GLI1: variants seen among roughly 807,000 people sequenced by gnomAD.
The protein encoded by GLI1 is transcription activator GLI1.
Under a neutral mutation model 87.8 loss-of-function variants are expected in GLI1, and 51 were observed. The ratio of observed to expected loss-of-function variants is 0.58; its 90% confidence interval spans 0.46 to 0.73. The LOEUF is 0.73. Ranked by LOEUF, GLI1 falls within the 30% of genes least tolerant of loss-of-function variation. The pLI, the probability that GLI1 is intolerant of heterozygous loss-of-function variation, is 0.00. For missense variants in GLI1, 1,292 were observed against 1,437.2 expected, an observed-to-expected ratio of 0.90 and a Z score of 1.63; for synonymous variants, 528 against 558.2, an observed-to-expected ratio of 0.95 and a Z score of 0.76.
At position 57,465,592 on chromosome 12, in the gene GLI1, C is replaced by G; in HGVS notation, c.535-15C>G. The G allele has an allele frequency of 6.2e-7, 1 of 1,608,120 alleles. No homozygotes were observed. The highest frequency in any genetic ancestry group is 2.2e-5 in the East Asian group (1 of 44,832). ...ACTTCCACCCTCATCACCGTCACCTCTTCCCCTGGGGAAGCTGAAGTCTGA... is the reference window on the plus strand; with the variant it reads ...ACTTCCACCCTCATCACCGTCACCTGTTCCCCTGGGGAAGCTGAAGTCTGA... On this transcript the variant is annotated splice_polypyrimidine_tract_variant and intron_variant, in intron 5 of 11. Transcript: ENST00000228682.
intron 1 of GLI1, among the ~76,000 whole-genome samples, chr12:57,460,945 G>C (rs1389559578): frequency 1.3e-5 from 2 of 152,178 alleles, no homozygotes; most frequent in Non-Finnish European, 2.9e-5. Flanking sequence ...GCCGCAGGGA[G>C]ACCCCTACCG....
rs1278558735 is a variant in GLI1, at chr12:57,471,957, C to T, written c.3217C>T (p.His1073Tyr). Residue 1073 changes from histidine to tyrosine, a missense_variant, in exon 12 of 12, where the codon CAT becomes TAT. Physicochemically the swap from His to Tyr is moderately conservative, Grantham distance 83. Coordinates refer to ENST00000228682, the MANE Select transcript of GLI1 (RefSeq NM_005269.3). This position sits in a 1 kb window ranked among gnomAD's most constrained non-coding sequence, Gnocchi z 4.9. ...PSHDQRGSSG[H>Y]TPPPSGPPNM... ...CCATGATCAGCGGGGCAGCTCTGGA[C>T]ATACCCCACCTCCCTCTGGGCCCCC... 1 of 1,608,746 alleles carries T rather than the reference C, an allele frequency of 6.2e-7. No homozygotes were observed. Among genetic ancestry groups the T allele is most frequent in the Admixed American group, 1.7e-5 (1 of 59,000 alleles).
chr12:57,463,081 G>GACC (rs1871247306), intron 1 of GLI1, among the ~76,000 whole-genome samples: 1 of 152,122 alleles, frequency 6.6e-6, no homozygotes, highest in African/African-American at 2.4e-5. Flanking sequence ...TCTACACACA[G>GACC]ACCACACAGG....
At chr12:57,469,047 C>A (rs568965442) in intron 10 of GLI1, among the ~76,000 whole-genome samples, 1 of 152,144 alleles carries the variant, frequency 6.6e-6, no homozygotes, top group African/African-American at 2.4e-5. Flanking sequence ...CCACTGCACC[C>A]GGCAACTCTT....
intron 9 of GLI1, among the ~76,000 whole-genome samples, 170 bp from the exon 10 acceptor site, chr12:57,467,824 C>T (rs900103354): frequency 2.0e-5 from 3 of 152,192 alleles, no homozygotes; most frequent in African/African-American, 7.2e-5. Context: ...TCCTAACCCT[C>T]CACTTAATCT....
intron 4 of GLI1, 59 bp from the exon 5 acceptor site, chr12:57,465,052 G>A (rs3817474): frequency 0.57 from 890,376 of 1,550,560 alleles, 266,910 homozygotes; most frequent in Middle Eastern, 0.65. Context: ...CCTCCAAATA[G>A]CCCAATCCTT....
In GLI1 at chr12:57,466,390, G is replaced by A; in HGVS notation, c.912+1G>A. 1 of 1,609,644 alleles carries A rather than the reference G, an allele frequency of 6.2e-7. No homozygotes were observed. Among genetic ancestry groups the A allele is most frequent in the Non-Finnish European group, 8.5e-7 (1 of 1,177,166 alleles). On this transcript the variant is annotated splice_donor_variant, in intron 8 of 11. Transcript: ENST00000228682. LOFTEE classifies it high-confidence loss of function. Reference sequence around the variant, plus strand: ...TGGCGAGAAGCCACACAAGTGCACGGTGAGGCACCAGTGTCCCAAGTCCAG... The same window carrying A: ...TGGCGAGAAGCCACACAAGTGCACGATGAGGCACCAGTGTCCCAAGTCCAG...
chr12:57,462,688 C>T (rs1387986356), intron 1 of GLI1, among the ~76,000 whole-genome samples: 4 of 152,206 alleles, frequency 2.6e-5, no homozygotes, highest in African/African-American at 7.2e-5. Context: ...CAGAATAACA[C>T]CAGCTTTCAC....
chr12:57,469,377 A>G (rs1440162878), intron 10 of GLI1, 54 bp from the exon 11 acceptor site: 2 of 1,575,712 alleles, frequency 1.3e-6, no homozygotes, highest in Admixed American at 1.7e-5. Context: ...CCACTCATCA[A>G]GTTGAAGGAG....
rs549463047 is a variant in GLI1, at chr12:57,471,260, G to C, written c.2520G>C (p.Gly840=). 1.4e-4 allele frequency: 221 copies of C among 1,600,216 alleles called. No homozygotes were observed. The highest frequency in any genetic ancestry group is 1.8e-4 in the Non-Finnish European group (206 of 1,173,064). ...GCCTCAATGCCCACCCCAGTGAGGG[G>C]CCCCCACATCCACAGCCTCTCTTTT... ...APCLNAHPSE[G]PPHPQPLFSH... The change falls in exon 12 of 12, where the codon GGG becomes GGC. Residue 840 remains glycine (G), a synonymous_variant. Transcript: ENST00000228682. This position sits in a 1 kb window ranked among gnomAD's most constrained non-coding sequence, Gnocchi z 4.9.
intron 7 of GLI1, 111 bp from the exon 8 acceptor site, chr12:57,466,128 CT>C: frequency 8.2e-7 from 1 of 1,215,040 alleles, no homozygotes; most frequent in South Asian, 1.4e-5. Flanking sequence ...GCTCCTGCCT[CT>C]TCCTCCTTGA....
At chr12:57,469,372 C>T in intron 10 of GLI1, 59 bp from the exon 11 acceptor site, 1 of 1,550,988 alleles carries the variant, frequency 6.4e-7, no homozygotes, top group Non-Finnish European at 8.8e-7. Flanking sequence ...TTCAGCCACT[C>T]ATCAAGTTGA....
At chr12:57,465,436 C>A in intron 5 of GLI1, 171 bp from the exon 6 acceptor site, 1 of 733,406 alleles carries the variant, frequency 1.4e-6, no homozygotes, top group Non-Finnish European at 2.2e-6. Context: ...AATGGGATCC[C>A]ACCTTTTGCC....
In GLI1 at chr12:57,469,619, G is replaced by A. The variant is rs757858450; in HGVS notation, c.1497G>A (p.Glu499=). The part of the protein sequence containing the change: ...GTGLSTLRRL[E]NLRLDQLHQL... The stretch of plus-strand genomic sequence containing the variant: ...GTCTGTCCACTCTTCGCCGCCTTGA[G>A]AACCTCAGGCTGGACCAGCTACATC... The change falls in exon 11 of 12, where the codon GAG becomes GAA. Residue 499 remains glutamate, a synonymous_variant. Transcript: ENST00000228682. 1.2e-6 allele frequency: 2 copies of A among 1,614,146 alleles called. No individual in the cohort carries two copies. Among genetic ancestry groups the A allele is most frequent in the Non-Finnish European group, 1.7e-6 (2 of 1,180,018 alleles).
At chr12:57,464,973 A>G (rs1871378974) in intron 4 of GLI1, 105 bp downstream of exon 4, 3 of 1,239,188 alleles carry the variant, frequency 2.4e-6, no homozygotes, top group African/African-American at 1.5e-5. Context: ...TTGTCATTTC[A>G]AAGACAACTC....
chr12:57,470,311 T>A lies in GLI1; in HGVS notation c.1577-6T>A. ...CCATCCTACCTTTTCTCCCCATCAC[T>A]TGCAGGTACCACTGTGTCCCGCCGC... On this transcript the variant is annotated splice_region_variant and splice_polypyrimidine_tract_variant and intron_variant, in intron 11 of 11. Coordinates refer to ENST00000228682, the MANE Select transcript of GLI1 (RefSeq NM_005269.3). 1 of 1,537,178 alleles carries A rather than the reference T, an allele frequency of 6.5e-7. No individual in the cohort carries two copies. The highest frequency in any genetic ancestry group is 8.8e-7 in the Non-Finnish European group (1 of 1,141,566).
In GLI1 at chr12:57,466,134, C is replaced by T. The variant is rs1871464753; in HGVS notation, c.763-106C>T. The T allele has an allele frequency of 1.5e-5, 19 of 1,252,868 alleles. No homozygotes were observed. The South Asian group carries it at 2.4e-4, about 16-fold the overall frequency. 77.6% of individuals were successfully genotyped at this position (1,252,868 alleles called of 1,614,324 possible). ...TATGATATTGCTCCTGCCTCTTCCT[C>T]CTTGAGGTGGAGTCGTGGAAGAGGA... On this transcript the variant is annotated intron_variant, in intron 7 of 11. Coordinates refer to ENST00000228682, the MANE Select transcript of GLI1 (RefSeq NM_005269.3).
intron 1 of GLI1, among the ~76,000 whole-genome samples, chr12:57,462,405 C>T (rs1217830789): frequency 1.3e-5 from 2 of 152,024 alleles, no homozygotes; most frequent in Non-Finnish European, 2.9e-5. Context: ...ATCCCGGGAT[C>T]ACCCACCGCG....
Position 57,467,388 on chromosome 12 carries a change from G to T in GLI1, c.968G>T (p.Arg323Leu). The change falls in exon 9 of 12, where the codon CGG (arginine) becomes CTG (leucine). Residue 323 changes from arginine (R) to leucine (L), a missense_variant. Coordinates refer to ENST00000228682, the MANE Select transcript of GLI1 (RefSeq NM_005269.3). ...SRLENLKTHL[R>L]SHTGEKPYMC... Reference sequence around the variant, plus strand: ...CTCGAAAACCTGAAGACGCACCTGCGGTCACACACGGGTGAGAAGCCATAC... The same window carrying T: ...CTCGAAAACCTGAAGACGCACCTGCTGTCACACACGGGTGAGAAGCCATAC... 1 of 1,612,736 alleles carries T rather than the reference G, an allele frequency of 6.2e-7. No homozygotes were observed. Among genetic ancestry groups the T allele is most frequent in the East Asian group, 2.2e-5 (1 of 44,816 alleles).
Sources: gnomAD v4.1 joint callset for allele counts (sites outside exome capture counted in the v4.1 genomes callset) on GRCh38, gnomAD v4.1.1 for gene constraint, Gnocchi (gnomAD v3.1) non-coding constraint, MANE v1.5 for transcripts, NCBI Gene and HGNC (gene_info 2026-07-23, HGNC 2026-07-21) for gene names.